HAO2: variants seen among roughly 807,000 people sequenced by gnomAD.
The protein encoded by HAO2 is hydroxyacid oxidase 2.
In HAO2, 42 loss-of-function variants were observed where a neutral mutation model predicts 37.4. That is an observed-to-expected ratio of 1.12 (90% confidence interval 0.88 to 1.45). The LOEUF (loss-of-function observed/expected upper bound fraction) is 1.45. Ranked by LOEUF, HAO2 falls within the 40% of genes most tolerant of loss-of-function variation. HAO2 has a pLI of 0.00. For synonymous variants in HAO2, 180 were observed against 162.8 expected (o/e 1.11, Z -0.81); for missense variants, 476 against 430.2 (o/e 1.11, Z -0.94).
rs1458677701 is a variant in HAO2 at position 119,384,757 on chromosome 1, C to T, written c.284-19C>T. On this transcript the variant is annotated intron_variant, in intron 3 of 7. Transcript: ENST00000325945. ...GAGGCCTCTGCCCTCCAGCCTGAGTCATGTCCTTTGCTTTACAGCTGCCCA... is the reference window on the plus strand; with the variant it reads ...GAGGCCTCTGCCCTCCAGCCTGAGTTATGTCCTTTGCTTTACAGCTGCCCA... 2 of 1,611,488 alleles carry T rather than the reference C, an allele frequency of 1.2e-6. No homozygotes were observed. The highest frequency in any genetic ancestry group is 1.7e-6 in the Non-Finnish European group (2 of 1,178,490).
intron 1 of HAO2, among the ~76,000 whole-genome samples, chr1:119,371,476 G>A (rs1050753340): frequency 9.9e-5 from 15 of 152,078 alleles, no homozygotes; most frequent in African/African-American, 3.6e-4. Flanking sequence ...TTTTTTGAGG[G>A]AAGAAAGCAA....
At chr1:119,369,377 T>C (rs1283133203) in intron 1 of HAO2, among the ~76,000 whole-genome samples, 1 of 152,176 alleles carries the variant, frequency 6.6e-6, no homozygotes, top group East Asian at 1.9e-4. Flanking sequence ...ATAAGCTTAT[T>C]TGGAACAAAT....
In HAO2 at chr1:119,386,855, G is replaced by A. The variant is rs374450881; in HGVS notation, c.771+24G>A. 65 of 1,473,494 alleles carry A rather than the reference G, an allele frequency of 4.4e-5. No homozygotes were observed. The African/African-American group carries it at 8.3e-4, about 19-fold the overall frequency. 91.3% of individuals were successfully genotyped at this position (1,473,494 alleles called of 1,614,324 possible). A position where few individuals can be genotyped will look rare whatever the true frequency, so the allele number is the denominator to read the frequency against. On this transcript the variant is annotated intron_variant, in intron 5 of 7. Coordinates refer to ENST00000325945, the MANE Select transcript of HAO2 (RefSeq NM_016527.4). ...CAGTAAGTAGGATTACTTCAGAGAAGGGTGTGTTTGTGAGTGCTGTGTGTG... is the reference window on the plus strand; with the variant it reads ...CAGTAAGTAGGATTACTTCAGAGAAAGGTGTGTTTGTGAGTGCTGTGTGTG...
intron 1 of HAO2, among the ~76,000 whole-genome samples, chr1:119,371,768 T>C (rs587660094): frequency 1.3e-5 from 2 of 152,360 alleles, no homozygotes; most frequent in Admixed American, 6.5e-5. Flanking sequence ...CAGTGCATGG[T>C]ACATCATGGA....
intron 6 of HAO2, 128 bp downstream of exon 6, chr1:119,392,396 T>A: frequency 1.3e-6 from 1 of 798,002 alleles, no homozygotes; most frequent in Non-Finnish European, 2.0e-6. Flanking sequence ...ACACCTAAGC[T>A]GCATCTCCAT....
At chr1:119,379,618 A>G (rs1468223838) in intron 1 of HAO2, among the ~76,000 whole-genome samples, 1 of 151,954 alleles carries the variant, frequency 6.6e-6, no homozygotes, top group Non-Finnish European at 1.5e-5. Flanking sequence ...GTCAGACTCA[A>G]CTCCATACCT....
In HAO2 at chr1:119,372,152, G is replaced by A. The variant is rs370239445; in HGVS notation, c.-9+3250G>A. 3.7e-4 allele frequency among the ~76,000 whole-genome samples: 56 copies of A among 152,308 alleles called. No homozygotes were observed. In the South Asian group the frequency reaches 0.011, roughly 30 times the overall value. On this transcript the variant is annotated intron_variant, in intron 1 of 7. Transcript: ENST00000325945. The stretch of plus-strand genomic sequence containing the variant: ...AAATAGCAGAAGATCTGGCATATTT[G>A]CAATGCAAATTACTGTAAAGCAATG...
At chr1:119,389,497 G>GTAT (rs1464265896) in intron 5 of HAO2, among the ~76,000 whole-genome samples, 1 of 151,826 alleles carries the variant, frequency 6.6e-6, no homozygotes, top group African/African-American at 2.4e-5. Context: ...CAGTAAGGAA[G>GTAT]TATTGCATTG....
chr1:119,381,661 G>A (rs1649954786), intron 2 of HAO2, among the ~76,000 whole-genome samples: 1 of 152,134 alleles, frequency 6.6e-6, no homozygotes, highest in Admixed American at 6.5e-5. Flanking sequence ...GATTGAGTCA[G>A]GGGAGAAGAG....
rs587716409 is a variant in HAO2, at chr1:119,389,467, G to T, written c.771+2636G>T. On this transcript the variant is annotated intron_variant, in intron 5 of 7. Coordinates refer to ENST00000325945, the MANE Select transcript of HAO2 (RefSeq NM_016527.4). ...TCCACATGAACATCTATTATTTTTT[G>T]ATTATGGCCATTCTTGTAGCAGTAA... Among the ~76,000 whole-genome samples the T allele has an allele frequency of 3.6e-4, 55 of 151,362 alleles. No individual in the cohort carries two copies. In the East Asian group the frequency reaches 0.01, roughly 28 times the overall value.
chr1:119,383,004 G>T lies in HAO2; in HGVS notation c.221G>T (p.Cys74Phe), dbSNP rs760039361. The change falls in exon 3 of 8, where the codon TGT becomes TTT. Residue 74 changes from cysteine to phenylalanine, a missense_variant. Coordinates refer to ENST00000325945, the MANE Select transcript of HAO2 (RefSeq NM_016527.4). ...IQGEEISAPI[C>F]IAPTGFHCLV... Reference sequence around the variant, plus strand: ...GGGGAGGAGATCAGTGCCCCTATTTGTATCGCACCCACAGGGTTCCACTGC... The same window carrying T: ...GGGGAGGAGATCAGTGCCCCTATTTTTATCGCACCCACAGGGTTCCACTGC... 6 of 1,613,120 alleles carry T rather than the reference G, an allele frequency of 3.7e-6. No homozygotes were observed. The East Asian group carries it at 1.1e-4, about 30-fold the overall frequency.
intron 1 of HAO2, among the ~76,000 whole-genome samples, chr1:119,377,984 T>A (rs59885709): frequency 0.035 from 5,391 of 152,294 alleles, 301 homozygotes; most frequent in African/African-American, 0.12. Context: ...GAAGAATTGC[T>A]TGAACTGGGG....
At chr1:119,371,727 T>G (rs1649031449) in intron 1 of HAO2, among the ~76,000 whole-genome samples, 2 of 152,198 alleles carry the variant, frequency 1.3e-5, no homozygotes, top group Non-Finnish European at 2.9e-5. Flanking sequence ...CCACAAGGAT[T>G]AAAACAGTCA....
In HAO2 at chr1:119,394,013, G is replaced by C. The variant is rs1208526454; in HGVS notation, c.*173G>C. 7.0e-7 allele frequency: 1 copy of C among 1,429,460 alleles called. No homozygotes were observed. Among genetic ancestry groups the C allele is most frequent in the East Asian group, 2.6e-5 (1 of 38,628 alleles). 88.5% of individuals were successfully genotyped at this position (1,429,460 alleles called of 1,614,324 possible). On this transcript the variant is annotated 3_prime_UTR_variant, in exon 8 of 8. Transcript: ENST00000325945. ...TGTGCTTCAGGCCCTCCAAACCCCTGTGTTCCCCAAATGTTCCATGCCCTT... is the reference window on the plus strand; with the variant it reads ...TGTGCTTCAGGCCCTCCAAACCCCTCTGTTCCCCAAATGTTCCATGCCCTT...
At chr1:119,384,177 T>C (rs1245678487) in intron 3 of HAO2, among the ~76,000 whole-genome samples, 1 of 152,176 alleles carries the variant, frequency 6.6e-6, no homozygotes, top group Non-Finnish European at 1.5e-5. Context: ...CACTGGTATC[T>C]ATGCAGTACA....
At chr1:119,373,385 G>A (rs587725885) in intron 1 of HAO2, among the ~76,000 whole-genome samples, 6 of 152,218 alleles carry the variant, frequency 3.9e-5, no homozygotes, top group South Asian at 2.1e-4. Context: ...GAGTCATATC[G>A]TATTTCAGAA....
At chr1:119,379,734 C>T (rs6704362) in intron 1 of HAO2, among the ~76,000 whole-genome samples, 5,366 of 152,200 alleles carry the variant, frequency 0.035, 299 homozygotes, top group African/African-American at 0.12. Flanking sequence ...CAATGCACTT[C>T]CTGGGGGCTC....
intron 5 of HAO2, among the ~76,000 whole-genome samples, chr1:119,388,594 C>T (rs150192538): frequency 2.5e-3 from 382 of 152,266 alleles, no homozygotes; most frequent in African/African-American, 8.8e-3. Context: ...GTGTGAGTCT[C>T]GTGAGGGTTT....
intron 1 of HAO2, among the ~76,000 whole-genome samples, chr1:119,371,947 A>T (rs1649063388): frequency 6.6e-6 from 1 of 152,226 alleles, no homozygotes; most frequent in Non-Finnish European, 1.5e-5. Context: ...AATGTCTCCC[A>T]GTATGCCCTA....
Sources: allele counts gnomAD v4.1 joint callset (sites outside exome capture counted in the v4.1 genomes callset), GRCh38; gene constraint gnomAD v4.1.1; transcripts MANE v1.5; gene names NCBI Gene and HGNC (gene_info 2026-07-23, HGNC 2026-07-21).